Variants in XRCC4 observed in about 807,000 individuals in gnomAD.
XRCC4 encodes the protein X-ray repair cross complementing 4.
A neutral mutation model predicts 39.1 loss-of-function variants in XRCC4; 28 were observed. That is an observed-to-expected ratio of 0.72 (90% CI 0.53 to 0.98). The LOEUF (loss-of-function observed/expected upper bound fraction) is 0.98. Ranked by LOEUF, XRCC4 falls within the 50% of genes least tolerant of loss-of-function variation. The probability of loss-of-function intolerance (pLI) is 0.00; values close to 1 mark genes in which losing one functional copy is unlikely to be tolerated. For synonymous variants in XRCC4, 123 were observed against 126.4 expected, an observed-to-expected ratio of 0.97 and a Z score of 0.18; for missense variants, 350 against 376.4, an observed-to-expected ratio of 0.93 and a Z score of 0.58.
rs374909035 is a variant in XRCC4, at chr5:83,282,068, A to G, written c.893+23391A>G. Among the ~76,000 whole-genome samples, 7 of 152,350 alleles carry G rather than the reference A, an allele frequency of 4.6e-5. No homozygotes were observed. The East Asian group carries it at 1.3e-3, about 29-fold the overall frequency. On this transcript the variant is annotated intron_variant, in intron 7 of 7. Coordinates refer to ENST00000396027, the MANE Select transcript of XRCC4 (RefSeq NM_003401.5). ...ATTTGGCATCATAAATAAGAGAAAG[A>G]AAAGATGAAGAAATATGTCAGAAAT...
At chr5:83,263,272 C>A (rs537362126) in intron 7 of XRCC4, among the ~76,000 whole-genome samples, 3 of 151,854 alleles carry the variant, frequency 2.0e-5, no homozygotes, top group Non-Finnish European at 4.4e-5. Flanking sequence ...GGTTCCAAGT[C>A]TTTGCTATTG....
chr5:83,191,396 AGATCTGATG>A (rs1371068571), intron 3 of XRCC4, among the ~76,000 whole-genome samples: 1 of 144,152 alleles, frequency 6.9e-6, no homozygotes, highest in East Asian at 2.3e-4. Context: ...GAGTCTCATG[AGATCTGATG>A]GTTTTAAAAA....
intron 3 of XRCC4, among the ~76,000 whole-genome samples, chr5:83,193,004 T>G (rs2940540): frequency 0.47 from 71,791 of 152,000 alleles, 17,621 homozygotes; most frequent in African/African-American, 0.57. Context: ...GTGCTAATTT[T>G]CTGGCGTTAA....
intron 6 of XRCC4, among the ~76,000 whole-genome samples, chr5:83,255,292 C>G (rs1753495887): frequency 6.6e-6 from 1 of 152,020 alleles, no homozygotes; most frequent in Non-Finnish European, 1.5e-5. Flanking sequence ...GTAAGAGAAT[C>G]TATTACAATA....
At chr5:83,130,213 C>A (rs1747498197) in intron 3 of XRCC4, among the ~76,000 whole-genome samples, 1 of 152,054 alleles carries the variant, frequency 6.6e-6, no homozygotes, top group South Asian at 2.1e-4. Context: ...TTTTCTGCAT[C>A]TATTGAGATA....
At chr5:83,287,114 T>C (rs1348079518) in intron 7 of XRCC4, among the ~76,000 whole-genome samples, 1 of 152,112 alleles carries the variant, frequency 6.6e-6, no homozygotes, top group Non-Finnish European at 1.5e-5. Flanking sequence ...AGTTTTTGAA[T>C]GACTCTTCTC....
At chr5:83,162,356 A>G (rs1561372786) in intron 3 of XRCC4, among the ~76,000 whole-genome samples, 1 of 152,178 alleles carries the variant, frequency 6.6e-6, no homozygotes, top group Non-Finnish European at 1.5e-5. Flanking sequence ...AACTAAACTT[A>G]TTAAACTTCA....
chr5:83,087,637 T>C (rs922839842), intron 1 of XRCC4, among the ~76,000 whole-genome samples: 1 of 151,966 alleles, frequency 6.6e-6, no homozygotes, highest in African/African-American at 2.4e-5. Flanking sequence ...TACTCCAGTC[T>C]GGGTGACAGA....
At chr5:83,190,330 C>A (rs1222978148) in intron 3 of XRCC4, among the ~76,000 whole-genome samples, 2 of 151,976 alleles carry the variant, frequency 1.3e-5, no homozygotes, top group Admixed American at 1.3e-4. Flanking sequence ...CTACAATAGA[C>A]AATATTCTGC....
chr5:83,272,600 C>G (rs1754182682), intron 7 of XRCC4, among the ~76,000 whole-genome samples: 1 of 152,092 alleles, frequency 6.6e-6, no homozygotes, highest in African/African-American at 2.4e-5. Context: ...CACGACAGGC[C>G]ACAGTATGTG....
At chr5:83,144,984 C>T (rs1748382941) in intron 3 of XRCC4, among the ~76,000 whole-genome samples, 1 of 152,132 alleles carries the variant, frequency 6.6e-6, no homozygotes, top group South Asian at 2.1e-4. Flanking sequence ...CAAGCTCCGC[C>T]TCCCGAGTTC....
chr5:83,216,483 G>A (rs1232760588), intron 6 of XRCC4, among the ~76,000 whole-genome samples: 2 of 152,114 alleles, frequency 1.3e-5, no homozygotes, highest in African/African-American at 4.8e-5. Context: ...AGAGAAATAA[G>A]AACATACGTC....
At chr5:83,224,424 T>A (rs1005729463) in intron 6 of XRCC4, among the ~76,000 whole-genome samples, 1 of 152,166 alleles carries the variant, frequency 6.6e-6, no homozygotes, top group Non-Finnish European at 1.5e-5. Context: ...ATATGTTTTA[T>A]GTTTTTGATG....
chr5:83,133,560 T>G (rs1489709806), intron 3 of XRCC4, among the ~76,000 whole-genome samples: 1 of 152,202 alleles, frequency 6.6e-6, no homozygotes, highest in Non-Finnish European at 1.5e-5. Flanking sequence ...TCTGGCCGCT[T>G]TGTTTACCTA....
At chr5:83,096,890 C>G (rs1194666977) in intron 1 of XRCC4, among the ~76,000 whole-genome samples, 1 of 151,414 alleles carries the variant, frequency 6.6e-6, no homozygotes, top group African/African-American at 2.5e-5. Flanking sequence ...TTTCTAGTTT[C>G]CCACAGTCCC....
Position 83,308,427 on chromosome 5 carries a change from C to T in XRCC4, c.894-44704C>T, listed in dbSNP as rs1755565521. Among the ~76,000 whole-genome samples the T allele has an allele frequency of 2.0e-5, 3 of 151,798 alleles. 1 individual carries two copies. The South Asian group carries it at 6.2e-4, about 31-fold the overall frequency. On this transcript the variant is annotated intron_variant, in intron 7 of 7. Transcript: ENST00000396027. ...AATAACATATTATAAAATTGGGCCACTTTTAACCATTTATATTTTGGGGGG... is the reference window on the plus strand; with the variant it reads ...AATAACATATTATAAAATTGGGCCATTTTTAACCATTTATATTTTGGGGGG...
At chr5:83,241,240 C>CA (rs541873201) in intron 6 of XRCC4, among the ~76,000 whole-genome samples, 4,178 of 60,642 alleles carry the variant, frequency 0.069, 171 homozygotes, top group African/African-American at 0.18. Flanking sequence ...AAGACTCTGT[C>CA]AAAAAAAAAA....
intron 2 of XRCC4, among the ~76,000 whole-genome samples, chr5:83,106,562 T>TG (rs1314353218): frequency 6.6e-6 from 1 of 152,010 alleles, no homozygotes. Context: ...TGAAATTTTT[T>TG]AATCATTAAG....
At chr5:83,258,177 TA>T (rs1388658075) in intron 6 of XRCC4, among the ~76,000 whole-genome samples, 1 of 152,054 alleles carries the variant, frequency 6.6e-6, no homozygotes, top group East Asian at 1.9e-4. Flanking sequence ...TCTCAGAACT[TA>T]AAAGATAATA....
Sources: gnomAD v4.1 joint callset for allele counts (sites outside exome capture counted in the v4.1 genomes callset) on GRCh38, gnomAD v4.1.1 for gene constraint, MANE v1.5 for transcripts, NCBI Gene and HGNC (gene_info 2026-07-23, HGNC 2026-07-21) for gene names.